Variants in MBD5 observed in about 807,000 individuals in gnomAD.
MBD5 encodes the protein methyl-CpG-binding domain protein 5.
MBD5 carries 13 observed loss-of-function variants against 117.3 expected under a neutral mutation model. The observed-to-expected ratio is 0.11, with a 90% CI of 0.07 to 0.18. The LOEUF (loss-of-function observed/expected upper bound fraction) is 0.18. Among genes scored for constraint, MBD5 ranks in the 10% least tolerant of loss-of-function variants. MBD5 has a pLI of 1.00. For synonymous variants in MBD5, 727 were observed against 766.4 expected (o/e 0.95, Z 0.85); for missense variants, 1,879 against 2,093.8 (o/e 0.90, Z 2.00).
intron 1 of MBD5, among the ~76,000 whole-genome samples, chr2:148,075,318 C>T (rs1347116287): frequency 1.3e-5 from 2 of 152,130 alleles, no homozygotes. Flanking sequence ...TGTTTGAAAC[C>T]AGAATGAGGG....
At chr2:148,440,728 A>G (rs1574425466) in intron 4 of MBD5, among the ~76,000 whole-genome samples, 1 of 152,240 alleles carries the variant, frequency 6.6e-6, no homozygotes, top group East Asian at 1.9e-4. Flanking sequence ...GTATATTAAA[A>G]CGGAGTTTGG....
intron 1 of MBD5, among the ~76,000 whole-genome samples, chr2:148,074,507 G>GTTTTTTTTTTTTGTTTTTTTTTTTTTT (rs11443189): frequency 8.8e-6 from 1 of 113,772 alleles, no homozygotes; most frequent in African/African-American, 3.5e-5. Context: ...TTTTTTTTTT[G>GTTTTTTTTTTTTGTTTTTTTTTTTTTT]TTTTTTTTTT....
chr2:148,440,243 G>T (rs1329194505), intron 4 of MBD5, among the ~76,000 whole-genome samples: 3 of 152,122 alleles, frequency 2.0e-5, no homozygotes, highest in South Asian at 4.1e-4. Context: ...AATGTGTCTT[G>T]CTCAAAGTTA....
intron 3 of MBD5, chr2:148,243,848 C>T (rs1377434549): frequency 6.6e-6 from 1 of 151,894 alleles, no homozygotes; most frequent in African/African-American, 2.4e-5. Flanking sequence ...ACATATCACA[C>T]ATAGATAAGT....
chr2:148,494,819 C>T (rs185110795), intron 11 of MBD5, among the ~76,000 whole-genome samples: 1 of 152,030 alleles, frequency 6.6e-6, no homozygotes, highest in Non-Finnish European at 1.5e-5. Flanking sequence ...AAGAATTAGC[C>T]GGGGGTGGTG....
intron 2 of MBD5, among the ~76,000 whole-genome samples, chr2:148,218,347 G>A (rs543680083): frequency 6.6e-6 from 1 of 152,256 alleles, no homozygotes; most frequent in South Asian, 2.1e-4. Context: ...AGGATTGCAA[G>A]GGAACAGACT....
chr2:148,103,700 A>G (rs1298481632), intron 1 of MBD5, among the ~76,000 whole-genome samples: 1 of 152,224 alleles, frequency 6.6e-6, no homozygotes, highest in Admixed American at 6.5e-5. Context: ...CATACAGTGC[A>G]TAGAAAACTC....
At chr2:148,139,632 C>T (rs554434470) in intron 1 of MBD5, among the ~76,000 whole-genome samples, 2 of 152,084 alleles carry the variant, frequency 1.3e-5, no homozygotes, top group African/African-American at 2.4e-5. Context: ...TCCATAGATA[C>T]GATTTTTTCA....
At chr2:148,186,277 A>T (rs549417072) in intron 2 of MBD5, among the ~76,000 whole-genome samples, 1 of 152,338 alleles carries the variant, frequency 6.6e-6, no homozygotes, top group Non-Finnish European at 1.5e-5. Flanking sequence ...GGAGTTTCCC[A>T]GCTCAAGCTC....
chr2:148,117,975 G>A (rs1211482840), intron 1 of MBD5, among the ~76,000 whole-genome samples: 1 of 152,124 alleles, frequency 6.6e-6, no homozygotes, highest in East Asian at 1.9e-4. Flanking sequence ...TGGGGTAAAA[G>A]TTTTGGCTGA....
At chr2:148,421,771 C>T (rs973499097) in intron 4 of MBD5, among the ~76,000 whole-genome samples, 2 of 152,138 alleles carry the variant, frequency 1.3e-5, no homozygotes, top group African/African-American at 4.8e-5. Context: ...ATTGCTGAGG[C>T]TTGAGTAGGC....
At chr2:148,165,391 T>C (rs1574086098) in intron 1 of MBD5, among the ~76,000 whole-genome samples, 1 of 152,166 alleles carries the variant, frequency 6.6e-6, no homozygotes, top group South Asian at 2.1e-4. Context: ...AAAAGGACAA[T>C]TTCTCCAATT....
chr2:148,061,143 G>T (rs1695024921), intron 1 of MBD5, among the ~76,000 whole-genome samples: 1 of 151,926 alleles, frequency 6.6e-6, no homozygotes, highest in South Asian at 2.1e-4. Flanking sequence ...TAATCAAAGA[G>T]GATTTTATTT....
chr2:148,155,096 T>C (rs1395926520), intron 1 of MBD5, among the ~76,000 whole-genome samples: 1 of 152,230 alleles, frequency 6.6e-6, no homozygotes, highest in African/African-American at 2.4e-5. Flanking sequence ...TTAAAATATG[T>C]TGTGTGTCTG....
chr2:148,022,498 T>C (rs941656006), intron 1 of MBD5, among the ~76,000 whole-genome samples: 2 of 152,222 alleles, frequency 1.3e-5, no homozygotes, highest in Non-Finnish European at 2.9e-5. Flanking sequence ...ATAATTAATC[T>C]GGGTATATTT....
chr2:148,073,272 G>GT (rs1386481099), intron 1 of MBD5, among the ~76,000 whole-genome samples: 1 of 152,080 alleles, frequency 6.6e-6, no homozygotes, highest in African/African-American at 2.4e-5. Flanking sequence ...ATCATTTGGG[G>GT]TAGGGGGTAG....
chr2:148,264,797 G>C (rs1403744756), intron 3 of MBD5: 1 of 152,140 alleles, frequency 6.6e-6, no homozygotes, highest in Admixed American at 6.5e-5. Context: ...ACTGGGTTCT[G>C]CTGCCTTTGG....
intron 11 of MBD5, among the ~76,000 whole-genome samples, chr2:148,498,448 CT>C (rs2105197502): frequency 6.6e-6 from 1 of 152,334 alleles, no homozygotes; most frequent in African/African-American, 2.4e-5. Context: ...AACAATTCTC[CT>C]GCCTCAGCCT....
intron 4 of MBD5, among the ~76,000 whole-genome samples, chr2:148,413,249 G>T (rs941159254): frequency 2.0e-5 from 3 of 151,946 alleles, no homozygotes; most frequent in African/African-American, 4.8e-5. Context: ...AGTTCTGTTC[G>T]TATGATAAAT....
Sources: gnomAD v4.1 joint callset for allele counts (sites outside exome capture counted in the v4.1 genomes callset) on GRCh38, gnomAD v4.1.1 for gene constraint, MANE v1.5 for transcripts, NCBI Gene and HGNC (gene_info 2026-07-23, HGNC 2026-07-21) for gene names.